The following GNA14 variants were observed in gnomAD, a reference collection of about 807,000 sequenced individuals.
The protein encoded by GNA14 is G protein subunit alpha 14.
In GNA14, 50 loss-of-function variants were observed where a neutral mutation model predicts 42.0. That is an observed-to-expected ratio of 1.19 (90% CI 0.95 to 1.51). The LOEUF (loss-of-function observed/expected upper bound fraction) is 1.51. Ranked by LOEUF, GNA14 falls within the 40% of genes most tolerant of loss-of-function variation. The pLI is 0.00. For synonymous variants in GNA14, 173 were observed against 163.1 expected (o/e 1.06, Z -0.46); for missense variants, 473 against 446.2 (o/e 1.06, Z -0.54).
chr9:77,468,647 T>C (rs1428785609), intron 2 of GNA14, among the ~76,000 whole-genome samples: 1 of 152,244 alleles, frequency 6.6e-6, no homozygotes. Context: ...GTCGACATAA[T>C]GTGAGAAGTC....
chr9:77,548,236 G>T (rs908281573), intron 1 of GNA14, among the ~76,000 whole-genome samples: 4 of 152,110 alleles, frequency 2.6e-5, no homozygotes, highest in Non-Finnish European at 5.9e-5. Flanking sequence ...TTTGCTTGTG[G>T]CAGTGTAACT....
chr9:77,607,436 T>A (rs1823658638), intron 1 of GNA14, among the ~76,000 whole-genome samples: 1 of 152,000 alleles, frequency 6.6e-6, no homozygotes, highest in African/African-American at 2.4e-5. Flanking sequence ...GGAGTTGGAG[T>A]GGCTGTAGTA....
intron 1 of GNA14, among the ~76,000 whole-genome samples, chr9:77,574,058 A>G (rs1269828146): frequency 6.6e-6 from 1 of 152,168 alleles, no homozygotes; most frequent in African/African-American, 2.4e-5. Context: ...TAATTCCAGT[A>G]CTGTGGGAAG....
At chr9:77,620,072 C>T (rs1823896118) in intron 1 of GNA14, among the ~76,000 whole-genome samples, 1 of 151,998 alleles carries the variant, frequency 6.6e-6, no homozygotes, top group Admixed American at 6.5e-5. Flanking sequence ...ACTGGAGGCA[C>T]ATTACGTGTG....
chr9:77,538,561 G>C (rs1416648494), intron 1 of GNA14, among the ~76,000 whole-genome samples: 2 of 152,142 alleles, frequency 1.3e-5, no homozygotes, highest in African/African-American at 4.8e-5. Context: ...TCCAATCCAT[G>C]AGCATGGATG....
chr9:77,521,601 T>C (rs529597976), intron 2 of GNA14, among the ~76,000 whole-genome samples: 12 of 152,158 alleles, frequency 7.9e-5, no homozygotes, highest in Non-Finnish European at 1.3e-4. Flanking sequence ...GAGTTATTTA[T>C]GCATAAATGT....
chr9:77,616,771 A>T lies in GNA14; in HGVS notation c.124+30899T>A, dbSNP rs552584614. Among the ~76,000 whole-genome samples the T allele has an allele frequency of 1.1e-4, 16 of 152,342 alleles. No individual in the cohort carries two copies. In the South Asian group the frequency reaches 2.9e-3, roughly 28 times the overall value. ...ATCCTTATCCTGAGTCCATGCCTTG[A>T]TGAAACAATAACTCCACCTCCAGCT... On this transcript the variant is annotated intron_variant, in intron 1 of 6. Coordinates refer to ENST00000341700, the MANE Select transcript of GNA14 (RefSeq NM_004297.4).
intron 2 of GNA14, among the ~76,000 whole-genome samples, chr9:77,488,010 C>G (rs940175845): frequency 5.3e-5 from 8 of 151,630 alleles, no homozygotes; most frequent in African/African-American, 1.9e-4. Context: ...CTAAAAAGGT[C>G]ATTGATAATG....
chr9:77,486,223 T>C (rs1053060140), intron 2 of GNA14, among the ~76,000 whole-genome samples: 1 of 152,208 alleles, frequency 6.6e-6, no homozygotes, highest in African/African-American at 2.4e-5. Flanking sequence ...CCTTGCACTG[T>C]TATGTTACAG....
chr9:77,618,581 AATATATATATATATATATAT>A (rs1181899033), intron 1 of GNA14, among the ~76,000 whole-genome samples: 14 of 42,606 alleles, frequency 3.3e-4, no homozygotes, highest in African/African-American at 8.5e-4. Context: ...ATTACATTTG[AATATATATATATATATATAT>A]ATATATATAT....
intron 1 of GNA14, among the ~76,000 whole-genome samples, chr9:77,561,309 C>T (rs569299747): frequency 6.6e-6 from 1 of 152,300 alleles, no homozygotes; most frequent in East Asian, 1.9e-4. Context: ...ACCAATCAAA[C>T]TAATTTGTTC....
intron 2 of GNA14, among the ~76,000 whole-genome samples, chr9:77,525,146 G>A (rs540878125): frequency 5.3e-5 from 8 of 152,164 alleles, no homozygotes; most frequent in South Asian, 4.2e-4. Flanking sequence ...ACACTTATTC[G>A]TTTACTTATT....
intron 1 of GNA14, among the ~76,000 whole-genome samples, chr9:77,566,632 G>A (rs1466398028): frequency 6.6e-6 from 1 of 152,178 alleles, no homozygotes; most frequent in African/African-American, 2.4e-5. Context: ...AGCTAGAAGA[G>A]TTTGAAAGGC....
intron 1 of GNA14, among the ~76,000 whole-genome samples, chr9:77,546,160 T>G (rs1202786464): frequency 1.5e-5 from 2 of 132,882 alleles, no homozygotes; most frequent in South Asian, 2.3e-4. Flanking sequence ...GAGGTTGCAG[T>G]GAGCCGAGAT....
At chr9:77,430,004 A>C (rs2131688399) in intron 4 of GNA14, among the ~76,000 whole-genome samples, 1 of 152,158 alleles carries the variant, frequency 6.6e-6, no homozygotes, top group African/African-American at 2.4e-5. Context: ...ACCACCCAGA[A>C]CTGTTGTCTG....
chr9:77,493,549 T>C (rs1836822523), intron 2 of GNA14, among the ~76,000 whole-genome samples: 1 of 152,210 alleles, frequency 6.6e-6, no homozygotes, highest in African/African-American at 2.4e-5. Flanking sequence ...CTGTGGATCA[T>C]GTTACCCACT....
At chr9:77,571,378 G>T (rs947472608) in intron 1 of GNA14, among the ~76,000 whole-genome samples, 5 of 152,094 alleles carry the variant, frequency 3.3e-5, no homozygotes, top group African/African-American at 1.2e-4. Flanking sequence ...ATTTAAGAGG[G>T]TCTTATTTGT....
rs149518429 is a variant in GNA14, at chr9:77,478,184, C to G, written c.310-43662G>C. On this transcript the variant is annotated intron_variant, in intron 2 of 6. Transcript: ENST00000341700. Reference sequence around the variant, plus strand: ...TAATGCTATCCCTCCCTCCTCCCCCCACCCCACAACAGTCCCCGGAGTGTG... The same window carrying G: ...TAATGCTATCCCTCCCTCCTCCCCCGACCCCACAACAGTCCCCGGAGTGTG... Among the ~76,000 whole-genome samples, 80 of 151,508 alleles carry G rather than the reference C, an allele frequency of 5.3e-4. 1 individual carries two copies. The highest frequency in any genetic ancestry group is 1.7e-3 in the African/African-American group (71 of 41,194).
intron 2 of GNA14, among the ~76,000 whole-genome samples, chr9:77,511,903 A>G (rs976780421): frequency 2.0e-5 from 3 of 152,090 alleles, no homozygotes; most frequent in Non-Finnish European, 2.9e-5. Context: ...TGTTACAGAT[A>G]CTCCCCAAAG....
Sources: allele counts gnomAD v4.1 joint callset (sites outside exome capture counted in the v4.1 genomes callset), GRCh38; gene constraint gnomAD v4.1.1; transcripts MANE v1.5; gene names NCBI Gene and HGNC (gene_info 2026-07-23, HGNC 2026-07-21).